Variants in MET observed in about 807,000 individuals in gnomAD.
MET encodes the protein MET proto-oncogene, receptor tyrosine kinase.
MET carries 48 observed loss-of-function variants against 133.1 expected under a neutral mutation model. The ratio of observed to expected loss-of-function variants is 0.36; its 90% CI spans 0.29 to 0.46. MET has a LOEUF of 0.46. Ranked by LOEUF, MET falls within the 20% of genes least tolerant of loss-of-function variation. The pLI is 1.00. For missense variants in MET, 1,442 were observed against 1,695.9 expected (o/e 0.85, Z 2.63); for synonymous variants, 628 against 616.5 (o/e 1.02, Z -0.28).
intron 2 of MET, chr7:116,724,097 C>A (rs908710074): frequency 2.9e-5 from 5 of 175,204 alleles, no homozygotes; most frequent in South Asian, 1.6e-4. Flanking sequence ...TGCCGCCTTG[C>A]GGTTTGATCT....
intron 2 of MET, among the ~76,000 whole-genome samples, chr7:116,726,294 G>A (rs1382905617): frequency 1.3e-5 from 2 of 149,080 alleles, no homozygotes; most frequent in African/African-American, 2.5e-5. Flanking sequence ...GGAAAAGTGG[G>A]TAAACAACAA....
intron 12 of MET, among the ~76,000 whole-genome samples, chr7:116,770,158 A>G (rs1002344800): frequency 2.6e-5 from 4 of 152,218 alleles, no homozygotes; most frequent in Admixed American, 6.5e-5. Context: ...TGTGATCACT[A>G]ATGCATAGAG....
At chr7:116,709,486 T>C (rs1488416448) in intron 2 of MET, among the ~76,000 whole-genome samples, 1 of 152,190 alleles carries the variant, frequency 6.6e-6, no homozygotes, top group African/African-American at 2.4e-5. Flanking sequence ...CCAGGAAGAT[T>C]TGAAATACAG....
chr7:116,776,831 T>C (rs1445487679), intron 15 of MET, among the ~76,000 whole-genome samples: 1 of 152,214 alleles, frequency 6.6e-6, no homozygotes, highest in Non-Finnish European at 1.5e-5. Context: ...ATTTGCTTCA[T>C]CTGGGCAACT....
intron 1 of MET, among the ~76,000 whole-genome samples, chr7:116,688,388 G>A (rs902173545): frequency 6.6e-6 from 1 of 152,110 alleles, no homozygotes. Context: ...TGAAAAATAC[G>A]AAAACAAATA....
intron 2 of MET, among the ~76,000 whole-genome samples, chr7:116,726,166 T>C (rs1426039432): frequency 4.8e-4 from 57 of 117,930 alleles, no homozygotes; most frequent in Non-Finnish European, 7.4e-4. Flanking sequence ...TATATATATA[T>C]ATATATATAT....
At chr7:116,702,076 A>G (rs908208664) in intron 2 of MET, among the ~76,000 whole-genome samples, 1 of 152,120 alleles carries the variant, frequency 6.6e-6, no homozygotes, top group Non-Finnish European at 1.5e-5. Flanking sequence ...ATTTTATCCT[A>G]CCCTTTTGAC....
intron 11 of MET, among the ~76,000 whole-genome samples, chr7:116,766,734 A>G (rs1229572726): frequency 2.6e-5 from 4 of 152,204 alleles, no homozygotes; most frequent in East Asian, 3.9e-4. Context: ...GGCATTCTGC[A>G]AAATATATAT....
chr7:116,792,673 T>A (rs1434660458), intron 19 of MET, among the ~76,000 whole-genome samples: 1 of 152,120 alleles, frequency 6.6e-6, no homozygotes, highest in Non-Finnish European at 1.5e-5. Context: ...CCGTGAGTCC[T>A]CCAGCTATTT....
At chr7:116,778,336 A>G (rs1795054217) in intron 16 of MET, among the ~76,000 whole-genome samples, 1 of 152,256 alleles carries the variant, frequency 6.6e-6, no homozygotes, top group Non-Finnish European at 1.5e-5. Context: ...ATGGGACTTA[A>G]TAAGCTTTAA....
intron 2 of MET, among the ~76,000 whole-genome samples, chr7:116,703,635 T>A (rs566080892): frequency 4.7e-4 from 72 of 152,118 alleles, no homozygotes; most frequent in Admixed American, 1.1e-3. Flanking sequence ...ATTTTAAGAC[T>A]GTGGAATCTC....
intron 1 of MET, among the ~76,000 whole-genome samples, chr7:116,684,392 G>A (rs577882321): frequency 4.6e-5 from 7 of 152,256 alleles, no homozygotes; most frequent in African/African-American, 1.7e-4. Context: ...CTATGCTAAG[G>A]GCTAAAAGTG....
At chr7:116,764,112 G>C (rs1794517785) in intron 11 of MET, among the ~76,000 whole-genome samples, 1 of 151,954 alleles carries the variant, frequency 6.6e-6, no homozygotes, top group Admixed American at 6.6e-5. Flanking sequence ...TGTAATATAG[G>C]CTTTCATGGG....
Position 116,759,692 on chromosome 7 carries a change from A to G in MET, c.2364+202A>G, listed in dbSNP as rs375476435. ...CTAACCATGTGGAAAAAATACATAC[A>G]CATACACACATGCACATATAATGTT... On this transcript the variant is annotated intron_variant, in intron 10 of 20. Transcript: ENST00000397752. The G allele has an allele frequency of 5.5e-5, 35 of 631,424 alleles. 1 individual carries two copies. The highest frequency in any genetic ancestry group is 3.4e-4 in the East Asian group (11 of 32,418). 39.1% of individuals were successfully genotyped at this position (631,424 alleles called of 1,614,324 possible). A position where few individuals can be genotyped will look rare whatever the true frequency, so the allele number is the denominator to read the frequency against.
intron 12 of MET, among the ~76,000 whole-genome samples, chr7:116,770,750 G>A (rs189343414): frequency 2.0e-5 from 3 of 152,222 alleles, no homozygotes; most frequent in Admixed American, 2.0e-4. Context: ...ATTCATCCAC[G>A]TTGTAGCCTG....
chr7:116,730,568 C>T (rs1792964822), intron 2 of MET, among the ~76,000 whole-genome samples: 1 of 151,948 alleles, frequency 6.6e-6, no homozygotes, highest in African/African-American at 2.4e-5. Flanking sequence ...AATGAGGTGG[C>T]TAGGATGAAA....
chr7:116,699,750 G>A lies in MET; in HGVS notation c.666G>A (p.Thr222=), dbSNP rs1444020594. ...TATCAGTGAGAAGGCTAAAGGAAACGAAAGATGGTTTTATGTTTTTGACGG... is the reference window on the plus strand; with the variant it reads ...TATCAGTGAGAAGGCTAAAGGAAACAAAAGATGGTTTTATGTTTTTGACGG... ...HSISVRRLKE[T]KDGFMFLTDQ... The change falls in exon 2 of 21, where the codon ACG becomes ACA. Residue 222 remains threonine (T), a synonymous_variant. Transcript: ENST00000397752. The A allele has an allele frequency of 6.2e-6, 10 of 1,613,974 alleles. No individual in the cohort carries two copies. Among genetic ancestry groups the A allele is most frequent in the Middle Eastern group, 3.3e-4 (2 of 6,084 alleles).
chr7:116,713,829 T>G (rs1015113445), intron 2 of MET, among the ~76,000 whole-genome samples: 1 of 152,226 alleles, frequency 6.6e-6, no homozygotes, highest in Non-Finnish European at 1.5e-5. Flanking sequence ...CCTGGCCCTC[T>G]GTGAAGACAT....
intron 17 of MET, among the ~76,000 whole-genome samples, chr7:116,780,726 G>C (rs901717326): frequency 6.6e-6 from 1 of 152,182 alleles, no homozygotes; most frequent in Non-Finnish European, 1.5e-5. Flanking sequence ...ATTGAGTGGG[G>C]CTACAGCCCT....
Sources: allele counts gnomAD v4.1 joint callset (sites outside exome capture counted in the v4.1 genomes callset), GRCh38; gene constraint gnomAD v4.1.1; transcripts MANE v1.5; gene names NCBI Gene and HGNC (gene_info 2026-07-23, HGNC 2026-07-21).